Variants in ASMTL observed in about 807,000 individuals in gnomAD.
ASMTL encodes acetylserotonin O-methyltransferase like, also known as probable bifunctional dTTP/UTP pyrophosphatase/methyltransferase protein.
In ASMTL, 57 loss-of-function variants were observed where a neutral mutation model predicts 60.3. That is an observed-to-expected ratio of 0.95 (90% CI 0.76 to 1.18). The LOEUF is 1.18. Ranked by LOEUF, ASMTL falls within the 50% of genes most tolerant of loss-of-function variation. The pLI is 0.00. For missense variants in ASMTL, 981 were observed against 852.6 expected, an observed-to-expected ratio of 1.15 and a Z score of -1.88; for synonymous variants, 419 against 373.0, an observed-to-expected ratio of 1.12 and a Z score of -1.42.
At chrX:1,411,893 A>C (rs1444192955) in intron 12 of ASMTL, among the ~76,000 whole-genome samples, 1 of 134,168 alleles carries the variant, frequency 7.5e-6, no homozygotes, top group African/African-American at 2.9e-5. Flanking sequence ...GCTCACTGCA[A>C]CCTCCGTCTC....
At position 1,416,388 on chromosome X, in the gene ASMTL, C is replaced by G. The variant is rs1237446432; in HGVS notation, c.1522+1585G>C. Among the ~76,000 whole-genome samples the G allele has an allele frequency of 5.1e-4, 6 of 11,778 alleles. 1 individual carries two copies. The highest frequency in any genetic ancestry group is 6.0e-4 in the African/African-American group (6 of 10,012). The allele number at this position is 11,778 out of a possible 152,430, so 7.7% of individuals were successfully genotyped here. ...AGACGCAGACATGCACAGATGGGCA[C>G]ACACACACACGGACATACAGATACA... On this transcript the variant is annotated intron_variant, in intron 11 of 12. Transcript: ENST00000381317.
chrX:1,452,924 G>C, upstream of ASMTL: 1 of 1,135,498 alleles, frequency 8.8e-7, no homozygotes, highest in Non-Finnish European at 1.2e-6. Context: ...AAAAACAGGC[G>C]GCCAGAGTCC....
In ASMTL at chrX:1,448,789, C is replaced by G. The variant is rs753461967; in HGVS notation, c.93+3959G>C. Among the ~76,000 whole-genome samples the G allele has an allele frequency of 5.6e-3, 845 of 152,188 alleles. 7 individuals carry two copies. The highest frequency in any genetic ancestry group is 8.9e-3 in the Non-Finnish European group (606 of 67,970). Reference sequence around the variant, plus strand: ...CACCATCTTGGACACACACCGCCATCTTGGATAAGCACCACCATCTTGGAC... The same window carrying G: ...CACCATCTTGGACACACACCGCCATGTTGGATAAGCACCACCATCTTGGAC... On this transcript the variant is annotated intron_variant, in intron 1 of 12. Transcript: ENST00000381317.
chrX:1,433,136 T>C (rs2090854642), intron 5 of ASMTL, among the ~76,000 whole-genome samples: 1 of 151,824 alleles, frequency 6.6e-6, no homozygotes. Flanking sequence ...GTTTGGTCTG[T>C]GCCTCAGGGT....
At chrX:1,451,987 TC>T (rs2091402923) in intron 1 of ASMTL, among the ~76,000 whole-genome samples, 1 of 136,422 alleles carries the variant, frequency 7.3e-6, no homozygotes. Flanking sequence ...CCCACCCCCA[TC>T]GCTAGGGGGT....
At chrX:1,442,864 C>G (rs1436505939) in intron 1 of ASMTL, among the ~76,000 whole-genome samples, 1 of 152,152 alleles carries the variant, frequency 6.6e-6, no homozygotes, top group Non-Finnish European at 1.5e-5. Context: ...CTGCAGAGAC[C>G]GTGGGGTCAG....
At chrX:1,440,235 C>T (rs1348582361) in intron 2 of ASMTL, among the ~76,000 whole-genome samples, 5 of 152,088 alleles carry the variant, frequency 3.3e-5, no homozygotes, top group South Asian at 4.2e-4. Context: ...TACAGGCGCC[C>T]GCCACCGCGC....
chrX:1,441,878 C>T (rs1262965998), intron 2 of ASMTL: 68 of 337,140 alleles, frequency 2.0e-4, no homozygotes, highest in African/African-American at 7.4e-4. Context: ...GTATCAATTG[C>T]GAGAAATTAT....
At chrX:1,436,546 G>T (rs2149333505) in intron 3 of ASMTL, among the ~76,000 whole-genome samples, 1 of 152,260 alleles carries the variant, frequency 6.6e-6, no homozygotes, top group South Asian at 2.1e-4. Context: ...TAGAGACGGG[G>T]TTTCACCATG....
At chrX:1,430,916 T>C (rs1175718108) in intron 6 of ASMTL, among the ~76,000 whole-genome samples, 11 of 142,500 alleles carry the variant, frequency 7.7e-5, no homozygotes, top group Non-Finnish European at 9.0e-5. Flanking sequence ...ATATAACACA[T>C]AATACATTAT....
At chrX:1,436,069 G>A (rs1396180523) in intron 3 of ASMTL, among the ~76,000 whole-genome samples, 2 of 152,152 alleles carry the variant, frequency 1.3e-5, no homozygotes, top group African/African-American at 4.8e-5. Flanking sequence ...TTGCGGACGT[G>A]GTGTAGTCAT....
chrX:1,411,589 CGT>C (rs1276936209), intron 12 of ASMTL, among the ~76,000 whole-genome samples: 6 of 77,368 alleles, frequency 7.8e-5, no homozygotes, highest in Non-Finnish European at 1.3e-4. Context: ...TGTGTGTGCA[CGT>C]GTGTCTGCGT....
Position 1,421,810 on chromosome X carries a change from G to A in ASMTL, c.1093C>T (p.Leu365=), listed in dbSNP as rs752308992. The part of the protein sequence containing the change: ...YSNTETANVY[L]ASDGEYSLHG... ...AGAGAGTATTCGCCATCCGATGCCA[G>A]GTAGACGTTCGCTGTCTCTGTGTTA... is the stretch of plus-strand genomic sequence containing the variant. The change falls in exon 9 of 13, where the codon CTG becomes TTG. Residue 365 remains leucine (L), a synonymous_variant. Transcript: ENST00000381317. The A allele has an allele frequency of 3.1e-6, 5 of 1,613,854 alleles. No individual in the cohort carries two copies. The Admixed American group carries it at 8.3e-5, about 27-fold the overall frequency.
Position 1,412,725 on chromosome X carries a change from C to G in ASMTL, c.1645+7G>C, listed in dbSNP as rs1165220968. On this transcript the variant is annotated splice_region_variant and intron_variant, in intron 12 of 12. Coordinates refer to ENST00000381317, the MANE Select transcript of ASMTL (RefSeq NM_004192.4). ...CAAAAACAGCTAACCTGACGATGGG[C>G]TCTCACCTGGCTTGCAGCTCTCGGC... 1.2e-6 allele frequency: 2 copies of G among 1,613,820 alleles called. No homozygotes were observed. The highest frequency in any genetic ancestry group is 2.7e-5 in the African/African-American group (2 of 74,932).
intron 3 of ASMTL, among the ~76,000 whole-genome samples, chrX:1,436,969 GC>G (rs2090982785): frequency 6.6e-6 from 1 of 152,192 alleles, no homozygotes; most frequent in South Asian, 2.1e-4. Context: ...TGTGGGCAGG[GC>G]TGGTTCCTCC....
chrX:1,415,162 A>G (rs1461025954), intron 11 of ASMTL, among the ~76,000 whole-genome samples: 2 of 132,886 alleles, frequency 1.5e-5, no homozygotes, highest in Non-Finnish European at 3.4e-5. Flanking sequence ...GCTGGTCTCA[A>G]ACTCCTGACC....
At chrX:1,404,360 T>G (rs766248327) in intron 12 of ASMTL, among the ~76,000 whole-genome samples, 5 of 150,366 alleles carry the variant, frequency 3.3e-5, no homozygotes, top group Non-Finnish European at 5.9e-5. Context: ...ATGGATGAGA[T>G]GGATGGGTGA....
At chrX:1,435,661 C>T (rs764392411) in intron 4 of ASMTL, 33 bp downstream of exon 4, 7 of 1,611,366 alleles carry the variant, frequency 4.3e-6, no homozygotes, top group Non-Finnish European at 5.9e-6. Flanking sequence ...GGCTCAGAAC[C>T]CGAGAGGGCT....
intron 1 of ASMTL, among the ~76,000 whole-genome samples, chrX:1,450,819 A>C (rs2091350751): frequency 9.8e-6 from 1 of 102,372 alleles, no homozygotes. Flanking sequence ...CCCCACCCAC[A>C]TCCCTAGGCG....
Sources: gnomAD v4.1 joint callset for allele counts (sites outside exome capture counted in the v4.1 genomes callset) on GRCh38, gnomAD v4.1.1 for gene constraint, MANE v1.5 for transcripts, NCBI Gene and HGNC (gene_info 2026-07-23, HGNC 2026-07-21) for gene names.